PTPRD: variants seen among roughly 807,000 people sequenced by gnomAD.
PTPRD encodes protein tyrosine phosphatase receptor type D.
PTPRD carries 34 observed loss-of-function variants against 214.5 expected under a neutral mutation model. The observed-to-expected ratio is 0.16, with a 90% confidence interval of 0.12 to 0.21. The LOEUF (loss-of-function observed/expected upper bound fraction) is 0.21. PTPRD is among the 10% of genes least tolerant of loss of function. PTPRD has a pLI of 1.00. For synonymous variants in PTPRD, 1,128 were observed against 845.7 expected, an observed-to-expected ratio of 1.33 and a Z score of -5.79; for missense variants, 2,545 against 2,398.7, an observed-to-expected ratio of 1.06 and a Z score of -1.27.
At chr9:9,325,626 T>C (rs146553190) in intron 9 of PTPRD, among the ~76,000 whole-genome samples, 6 of 152,170 alleles carry the variant, frequency 3.9e-5, no homozygotes, top group Non-Finnish European at 7.3e-5. Flanking sequence ...TATACAATCA[T>C]GTCATCTGCA....
chr9:8,392,638 G>C (rs1352793602), intron 36 of PTPRD, among the ~76,000 whole-genome samples: 1 of 152,166 alleles, frequency 6.6e-6, no homozygotes, highest in Non-Finnish European at 1.5e-5. Context: ...ATAATGCTAA[G>C]ATTCCTCTTA....
intron 9 of PTPRD, among the ~76,000 whole-genome samples, chr9:9,296,977 CTTT>C (rs994828420): frequency 8.6e-5 from 13 of 151,818 alleles, no homozygotes; most frequent in African/African-American, 3.1e-4. Flanking sequence ...TATAAAACTT[CTTT>C]AACTGTTCAA....
At chr9:9,025,016 T>C (rs2099582270) in intron 10 of PTPRD, among the ~76,000 whole-genome samples, 1 of 152,068 alleles carries the variant, frequency 6.6e-6, no homozygotes, top group African/African-American at 2.4e-5. Context: ...CATTCCAATT[T>C]GAATCAATGT....
At chr9:9,539,285 G>A (rs930993562) in intron 8 of PTPRD, among the ~76,000 whole-genome samples, 2 of 151,790 alleles carry the variant, frequency 1.3e-5, no homozygotes, top group Non-Finnish European at 1.5e-5. Flanking sequence ...AACTTAGAAT[G>A]TTGAATCAGT....
chr9:10,059,813 G>T (rs1683987798), intron 3 of PTPRD, among the ~76,000 whole-genome samples: 1 of 151,100 alleles, frequency 6.6e-6, no homozygotes, highest in Non-Finnish European at 1.5e-5. Flanking sequence ...TTTACCTGTG[G>T]ATATTTTAAG....
chr9:9,055,566 G>C (rs952192089), intron 10 of PTPRD, among the ~76,000 whole-genome samples: 3 of 152,074 alleles, frequency 2.0e-5, no homozygotes, highest in African/African-American at 7.2e-5. Flanking sequence ...GTAGACACAG[G>C]AGACTAGTTA....
chr9:10,158,420 T>C (rs964502705), intron 3 of PTPRD, among the ~76,000 whole-genome samples: 2 of 152,210 alleles, frequency 1.3e-5, no homozygotes, highest in African/African-American at 2.4e-5. Context: ...ACCCCCATTT[T>C]GTAATAATGA....
At chr9:8,885,868 A>C (rs553208692) in intron 11 of PTPRD, among the ~76,000 whole-genome samples, 60 of 152,276 alleles carry the variant, frequency 3.9e-4, no homozygotes, top group Middle Eastern at 3.4e-3. Context: ...GAACATAGAG[A>C]ACATTTTATT....
chr9:10,097,077 G>A (rs2154208738), intron 3 of PTPRD, among the ~76,000 whole-genome samples: 1 of 151,050 alleles, frequency 6.6e-6, no homozygotes, highest in African/African-American at 2.4e-5. Context: ...TGAGGGCTCT[G>A]TTCTGTTCCA....
At chr9:9,844,554 TAAAC>T (rs780958734) in intron 5 of PTPRD, among the ~76,000 whole-genome samples, 21 of 151,898 alleles carry the variant, frequency 1.4e-4, no homozygotes, top group Middle Eastern at 6.8e-3. Flanking sequence ...ATTTATAGCA[TAAAC>T]AAAAAATAAA....
intron 4 of PTPRD, among the ~76,000 whole-genome samples, chr9:10,019,891 C>T (rs2096811121): frequency 6.6e-6 from 1 of 151,662 alleles, no homozygotes; most frequent in Non-Finnish European, 1.5e-5. Context: ...AACTAACATG[C>T]ATGTTGTGCA....
At chr9:9,931,514 C>T (rs2086550060) in intron 5 of PTPRD, among the ~76,000 whole-genome samples, 1 of 152,220 alleles carries the variant, frequency 6.6e-6, no homozygotes, top group Non-Finnish European at 1.5e-5. Context: ...CTGCGCTTTT[C>T]CGACGGGCTT....
chr9:9,763,018 TTGTG>T (rs774721636), intron 6 of PTPRD, among the ~76,000 whole-genome samples: 3 of 152,180 alleles, frequency 2.0e-5, no homozygotes, highest in Non-Finnish European at 4.4e-5. Context: ...GATCTCTCCT[TTGTG>T]TGTAAGCAGA....
intron 5 of PTPRD, among the ~76,000 whole-genome samples, chr9:9,904,426 C>G (rs2077086433): frequency 6.6e-6 from 1 of 152,006 alleles, no homozygotes; most frequent in Non-Finnish European, 1.5e-5. Flanking sequence ...AATCTTTGTA[C>G]TGTTATTTTA....
At chr9:8,643,558 CATAGGGGAAGCGGGGA>C (rs1486202715) in intron 12 of PTPRD, among the ~76,000 whole-genome samples, 2 of 152,184 alleles carry the variant, frequency 1.3e-5, no homozygotes, top group East Asian at 1.9e-4. Context: ...GGACGCAGGG[CATAGGGGAAGCGGGGA>C]ATAGGGGACC....
In PTPRD at chr9:8,408,203, C is replaced by T. The variant is rs1012452526; in HGVS notation, c.4087-3543G>A. 5.3e-5 allele frequency among the ~76,000 whole-genome samples: 8 copies of T among 152,170 alleles called. No homozygotes were observed. In the South Asian group the frequency reaches 1.2e-3, roughly 24 times the overall value. ...GACTTTCACTTCAACCCTGTATTTT[C>T]GGTCAGTCCACCCTGACCATGCATC... On this transcript the variant is annotated intron_variant, in intron 35 of 45. Coordinates refer to ENST00000381196, the MANE Select transcript of PTPRD (RefSeq NM_002839.4).
intron 2 of PTPRD, among the ~76,000 whole-genome samples, chr9:10,510,398 A>T (rs1327520320): frequency 6.6e-6 from 1 of 152,150 alleles, no homozygotes; most frequent in Non-Finnish European, 1.5e-5. Context: ...CATATAGAAC[A>T]GTTCCCTCTC....
At chr9:10,154,341 A>G (rs2099080574) in intron 3 of PTPRD, among the ~76,000 whole-genome samples, 1 of 152,036 alleles carries the variant, frequency 6.6e-6, no homozygotes, top group African/African-American at 2.4e-5. Context: ...AAATTTGTTT[A>G]AGTTCTTTAT....
intron 4 of PTPRD, among the ~76,000 whole-genome samples, chr9:9,963,690 A>G (rs192784683): frequency 8.7e-4 from 133 of 152,268 alleles, no homozygotes; most frequent in African/African-American, 3.1e-3. Flanking sequence ...TTGGTAATAA[A>G]AACCCCAAGT....
Sources: gnomAD v4.1 joint callset for allele counts (sites outside exome capture counted in the v4.1 genomes callset) on GRCh38, gnomAD v4.1.1 for gene constraint, MANE v1.5 for transcripts, NCBI Gene and HGNC (gene_info 2026-07-23, HGNC 2026-07-21) for gene names.